The following COL24A1 variants were observed in gnomAD, a reference collection of about 807,000 sequenced individuals.
COL24A1 encodes collagen alpha-1(XXIV) chain.
A neutral mutation model predicts 253.9 loss-of-function variants in COL24A1; 224 were observed. The observed-to-expected ratio is 0.88, with a 90% CI of 0.79 to 0.99. The LOEUF is 0.99. Among genes scored for constraint, COL24A1 ranks in the 50% least tolerant of loss-of-function variants. COL24A1 has a pLI of 0.00. For missense variants in COL24A1, 2,131 were observed against 2,068.5 expected (o/e 1.03, Z -0.59); for synonymous variants, 685 against 673.7 (o/e 1.02, Z -0.26).
rs1378940466 is a variant in COL24A1 at position 85,936,383 on chromosome 1, G to A, written c.2562+24866C>T. On this transcript the variant is annotated intron_variant, in intron 24 of 59. Coordinates refer to ENST00000370571, the MANE Select transcript of COL24A1 (RefSeq NM_152890.7). ...TTCTAGCCATTATGCCAATAACTAG[G>A]GTTAAATCACAGCATAACTTGCTGC... Among the ~76,000 whole-genome samples the A allele has an allele frequency of 2.0e-5, 3 of 146,800 alleles. 1 individual carries two copies. Among genetic ancestry groups the A allele is most frequent in the African/African-American group, 7.5e-5 (3 of 39,994 alleles).
chr1:86,121,608 T>C (rs1026904610), intron 3 of COL24A1, among the ~76,000 whole-genome samples: 2 of 152,054 alleles, frequency 1.3e-5, no homozygotes, highest in African/African-American at 4.8e-5. Context: ...AAAAACTGAT[T>C]AAATATAATT....
chr1:86,038,144 ATTGT>A (rs1699175606), intron 12 of COL24A1, among the ~76,000 whole-genome samples: 1 of 152,130 alleles, frequency 6.6e-6, no homozygotes, highest in Non-Finnish European at 1.5e-5. Flanking sequence ...AATAATATGC[ATTGT>A]TTAATAATGG....
At chr1:85,777,100 C>T (rs751867589) in intron 52 of COL24A1, among the ~76,000 whole-genome samples, 2 of 151,926 alleles carry the variant, frequency 1.3e-5, no homozygotes, top group Non-Finnish European at 2.9e-5. Context: ...CAGGAGCATA[C>T]CACTAAGCCC....
At position 86,125,401 on chromosome 1, in the gene COL24A1, G is replaced by A; in HGVS notation, c.935C>T (p.Ser312Phe). ...YKRQEHQISR[S>F]QLSSLQSGNV... ...TCCTGACTGAAGAGAAGATAACTGA[G>A]ATCTTGATATCTGGTGTTCTTGTCT... Residue 312 changes from serine (S) to phenylalanine (F), a missense_variant, in exon 3 of 60, where the codon TCT (serine) becomes TTT (phenylalanine). Physicochemically the swap from Ser to Phe is radical, Grantham distance 155 (BLOSUM62 -2). Transcript: ENST00000370571. 6.2e-7 allele frequency: 1 copy of A among 1,613,586 alleles called. No individual in the cohort carries two copies.
At chr1:85,873,828 T>TA (rs10631015) in intron 35 of COL24A1, among the ~76,000 whole-genome samples, 4,119 of 148,452 alleles carry the variant, frequency 0.028, 171 homozygotes, top group African/African-American at 0.095. Context: ...TTAAAATACA[T>TA]AAAAAAAAAA....
intron 37 of COL24A1, among the ~76,000 whole-genome samples, chr1:85,862,971 T>G (rs1028447139): frequency 6.6e-6 from 1 of 152,186 alleles, no homozygotes; most frequent in Non-Finnish European, 1.5e-5. Context: ...TTCCATTTGT[T>G]TGTGTCCTCT....
intron 24 of COL24A1, among the ~76,000 whole-genome samples, chr1:85,926,594 A>C (rs1362194364): frequency 6.6e-6 from 1 of 151,490 alleles, no homozygotes. Context: ...GCATGTTCTC[A>C]CTCATAGGTG....
chr1:85,880,724 G>T (rs1571053792), intron 32 of COL24A1, among the ~76,000 whole-genome samples: 1 of 150,472 alleles, frequency 6.6e-6, no homozygotes, highest in South Asian at 2.1e-4. Flanking sequence ...AAGTTTGAGA[G>T]TTTTTTTTTT....
At chr1:85,827,621 A>G (rs1343438058) in intron 43 of COL24A1, among the ~76,000 whole-genome samples, 1 of 152,092 alleles carries the variant, frequency 6.6e-6, no homozygotes, top group Non-Finnish European at 1.5e-5. Context: ...TGATCTATTC[A>G]GAGATTCAAC....
At chr1:85,980,429 C>T (rs1026626970) in intron 20 of COL24A1, among the ~76,000 whole-genome samples, 4 of 152,032 alleles carry the variant, frequency 2.6e-5, no homozygotes, top group African/African-American at 9.7e-5. Context: ...CCTATAAAAC[C>T]CTAAAGTCTC....
chr1:86,140,043 T>C (rs1650845873), intron 2 of COL24A1, among the ~76,000 whole-genome samples: 1 of 152,180 alleles, frequency 6.6e-6, no homozygotes, highest in Non-Finnish European at 1.5e-5. Context: ...TATGAGGATA[T>C]GGGAAAAGAA....
intron 47 of COL24A1, among the ~76,000 whole-genome samples, chr1:85,787,567 AT>A (rs1669816165): frequency 6.6e-6 from 1 of 152,180 alleles, no homozygotes; most frequent in South Asian, 2.1e-4. Context: ...GCTGCATAGT[AT>A]TCCATGCTGT....
chr1:86,153,728 T>TA (rs907249942), intron 1 of COL24A1, among the ~76,000 whole-genome samples: 4 of 152,222 alleles, frequency 2.6e-5, no homozygotes, highest in Non-Finnish European at 5.9e-5. Flanking sequence ...TAAGCAACTT[T>TA]AAAAAATAGA....
intron 45 of COL24A1, among the ~76,000 whole-genome samples, chr1:85,821,184 A>T (rs1673590143): frequency 1.3e-5 from 2 of 152,190 alleles, no homozygotes; most frequent in Non-Finnish European, 2.9e-5. Flanking sequence ...AAAGTCTTTT[A>T]AAAAATGTTG....
At chr1:86,063,027 T>A (rs1701206677) in intron 8 of COL24A1, among the ~76,000 whole-genome samples, 1 of 152,102 alleles carries the variant, frequency 6.6e-6, no homozygotes, top group Non-Finnish European at 1.5e-5. Context: ...TATCTTACCC[T>A]TTTCACTGTT....
At chr1:85,835,916 T>C (rs572638825) in intron 43 of COL24A1, among the ~76,000 whole-genome samples, 27 of 152,312 alleles carry the variant, frequency 1.8e-4, no homozygotes, top group African/African-American at 6.3e-4. Context: ...AGGAATGGCA[T>C]GTGCAGAGAG....
At chr1:86,100,506 G>A (rs1419252362) in intron 5 of COL24A1, among the ~76,000 whole-genome samples, 1 of 151,900 alleles carries the variant, frequency 6.6e-6, no homozygotes, top group Non-Finnish European at 1.5e-5. Flanking sequence ...CCAGTTCCTG[G>A]CATAGAGCTC....
At chr1:85,973,679 G>C (rs1385710070) in intron 20 of COL24A1, among the ~76,000 whole-genome samples, 1 of 152,128 alleles carries the variant, frequency 6.6e-6, no homozygotes, top group Non-Finnish European at 1.5e-5. Flanking sequence ...CGGTTAAAGG[G>C]AATGAGGTCC....
intron 7 of COL24A1, among the ~76,000 whole-genome samples, chr1:86,078,987 G>A (rs182762695): frequency 9.9e-5 from 15 of 152,110 alleles, no homozygotes; most frequent in Admixed American, 8.5e-4. Context: ...CAAAAACCCA[G>A]AATAGCCAAA....
Sources: allele counts gnomAD v4.1 joint callset (sites outside exome capture counted in the v4.1 genomes callset), GRCh38; gene constraint gnomAD v4.1.1; transcripts MANE v1.5; gene names NCBI Gene and HGNC (gene_info 2026-07-23, HGNC 2026-07-21).